The following RAC2 variants were observed in gnomAD, a reference collection of about 807,000 sequenced individuals.
RAC2 encodes Rac family small GTPase 2, also known as ras-related C3 botulinum toxin substrate 2.
A neutral mutation model predicts 24.0 loss-of-function variants in RAC2; 1 was observed. That is an observed-to-expected ratio of 0.04 (90% CI 0.01 to 0.20). RAC2 has a LOEUF of 0.20. RAC2 is among the 10% of genes least tolerant of loss of function. RAC2 has a pLI of 1.00. For synonymous variants in RAC2, 114 were observed against 106.8 expected, an observed-to-expected ratio of 1.07 and a Z score of -0.41; for missense variants, 130 against 259.1, an observed-to-expected ratio of 0.50 and a Z score of 3.42.
At chr22:37,237,279 G>A (rs1346157013) in intron 2 of RAC2, among the ~76,000 whole-genome samples, 1 of 151,834 alleles carries the variant, frequency 6.6e-6, no homozygotes, top group East Asian at 1.9e-4. Flanking sequence ...TCTTAGGGAG[G>A]GGCCAGAGGG....
chr22:37,244,210 C>A lies in RAC2; in HGVS notation c.-62G>T, dbSNP rs371820797. 6.9e-6 allele frequency: 11 copies of A among 1,598,030 alleles called. No individual in the cohort carries two copies. Among genetic ancestry groups the A allele is most frequent in the African/African-American group, 2.7e-5 (2 of 74,444 alleles). ...TCAGGGCCAGGCGCGTTTCTGCGGG[C>A]GCAAGGGGTGTGGAGGCTGGTGAGG... On this transcript the variant is annotated 5_prime_UTR_variant, in exon 1 of 7. Transcript: ENST00000249071.
In RAC2 at chr22:37,231,220, G is replaced by C. The variant is rs530853255; in HGVS notation, c.448+11C>G. 2 of 1,612,758 alleles carry C rather than the reference G, an allele frequency of 1.2e-6. No individual in the cohort carries two copies. The highest frequency in any genetic ancestry group is 1.7e-6 in the Non-Finnish European group (2 of 1,179,988). On this transcript the variant is annotated intron_variant, in intron 5 of 6. Transcript: ENST00000249071. The surrounding 1 kb of genome is among the most constrained non-coding windows in gnomAD (Gnocchi z 5.5). The stretch of plus-strand genomic sequence containing the variant: ...GCAGCCAGATCGCCCCTCTGAGCCC[G>C]AGGCCCATACCAATCTCCTTGGCCA...
chr22:37,241,677 A>G lies in RAC2; in HGVS notation c.36-19T>C. ...CACGGCCCTGAAAGACAGGAAGTGC[A>G]AGAGGGCGGCGGTCATGGGCTCTGC... On this transcript the variant is annotated intron_variant, in intron 1 of 6. Coordinates refer to ENST00000249071, the MANE Select transcript of RAC2 (RefSeq NM_002872.5). The G allele has an allele frequency of 6.2e-7, 1 of 1,610,702 alleles. No homozygotes were observed. The highest frequency in any genetic ancestry group is 8.5e-7 in the Non-Finnish European group (1 of 1,176,902).
chr22:37,230,183 G>A (rs1434052880), intron 5 of RAC2, among the ~76,000 whole-genome samples: 4 of 151,680 alleles, frequency 2.6e-5, no homozygotes, highest in Non-Finnish European at 5.9e-5. Flanking sequence ...GCTAGTCACA[G>A]AAGGAGGGAG....
intron 2 of RAC2, among the ~76,000 whole-genome samples, chr22:37,238,090 A>C (rs563493184): frequency 6.6e-6 from 1 of 152,040 alleles, no homozygotes; most frequent in Non-Finnish European, 1.5e-5. Flanking sequence ...CTTGGAGTGA[A>C]GTGGGTAAGG....
At chr22:37,229,052 C>T (rs527708118) in intron 5 of RAC2, among the ~76,000 whole-genome samples, 4 of 152,322 alleles carry the variant, frequency 2.6e-5, no homozygotes, top group East Asian at 3.9e-4. Context: ...ACCACATCTG[C>T]GTCCACTTCC....
intron 2 of RAC2, among the ~76,000 whole-genome samples, chr22:37,236,660 G>A (rs1569091155): frequency 2.0e-5 from 3 of 152,196 alleles, no homozygotes; most frequent in Admixed American, 2.0e-4. Flanking sequence ...AATGGGGCAG[G>A]TGGAAGGGGC....
chr22:37,232,386 G>A (rs1379516619), intron 3 of RAC2: 3 of 415,358 alleles, frequency 7.2e-6, no homozygotes, highest in African/African-American at 4.0e-5. Context: ...TCTGATTACC[G>A]GCCTTAGCCG....
Position 37,234,495 on chromosome 22 carries a change from C to T in RAC2, c.108-1577G>A, listed in dbSNP as rs777729163. The stretch of plus-strand genomic sequence containing the variant: ...GGCCACAGCTGTGCCTCCGGGAATG[C>T]CCTCACCGCCTGCCCCTGAGGGTTA... On this transcript the variant is annotated intron_variant, in intron 2 of 6. Transcript: ENST00000249071. Among the ~76,000 whole-genome samples the T allele has an allele frequency of 9.5e-4, 145 of 152,294 alleles. 1 individual carries two copies. Among genetic ancestry groups the T allele is most frequent in the Admixed American group, 2.0e-3 (31 of 15,308 alleles).
chr22:37,235,852 T>C (rs1473137596), intron 2 of RAC2, among the ~76,000 whole-genome samples: 2 of 152,124 alleles, frequency 1.3e-5, no homozygotes, highest in Admixed American at 1.3e-4. Context: ...AGGGCCACGG[T>C]GATGGGGAAA....
chr22:37,226,745 G>A lies in RAC2; in HGVS notation c.507C>T (p.Phe169=), dbSNP rs150782757. 3.6e-4 allele frequency: 574 copies of A among 1,612,980 alleles called. No individual in the cohort carries two copies. The highest frequency in any genetic ancestry group is 4.5e-4 in the Non-Finnish European group (532 of 1,179,588). The part of the protein sequence containing the change: ...ALTQRGLKTV[F]DEAIRAVLCP... ...ACAGCACGGCCCGGATGGCCTCGTC[G>A]AACACGGTTTTCAGGCCTCTCTGGG... Residue 169 remains phenylalanine (F), a synonymous_variant, in exon 6 of 7, where the codon TTC becomes TTT. Coordinates refer to ENST00000249071, the MANE Select transcript of RAC2 (RefSeq NM_002872.5).
chr22:37,235,307 G>A (rs183568415), intron 2 of RAC2, among the ~76,000 whole-genome samples: 23 of 152,016 alleles, frequency 1.5e-4, no homozygotes, highest in East Asian at 3.9e-4. Context: ...CCCTGTTCCC[G>A]CCTGTCTGGA....
At position 37,231,836 on chromosome 22, in the gene RAC2, G is replaced by A; in HGVS notation, c.288+96C>T. ...GGGACCCTCTCTGTATGCGACCTCT[G>A]CTGCCCCAGGGACCAGCCTAGAGTC... On this transcript the variant is annotated intron_variant, in intron 4 of 6. Transcript: ENST00000249071. The surrounding 1 kb of genome is among the most constrained non-coding windows in gnomAD (Gnocchi z 5.5). The A allele has an allele frequency of 7.1e-7, 1 of 1,407,912 alleles. No individual in the cohort carries two copies. Among genetic ancestry groups the A allele is most frequent in the Non-Finnish European group, 9.8e-7 (1 of 1,020,528 alleles). 87.2% of individuals were successfully genotyped at this position (1,407,912 alleles called of 1,614,324 possible).
At chr22:37,239,096 A>G (rs1473547624) in intron 2 of RAC2, among the ~76,000 whole-genome samples, 1 of 151,880 alleles carries the variant, frequency 6.6e-6, no homozygotes, top group Non-Finnish European at 1.5e-5. Flanking sequence ...TCCAATGTCA[A>G]GGGCCCAGTG....
intron 2 of RAC2, among the ~76,000 whole-genome samples, chr22:37,236,883 T>C (rs1006053009): frequency 2.0e-5 from 3 of 152,098 alleles, no homozygotes; most frequent in Non-Finnish European, 4.4e-5. Flanking sequence ...GGTGATGAGA[T>C]CAGATTTGCA....
At chr22:37,232,342 A>G in intron 3 of RAC2, 1 of 450,690 alleles carries the variant, frequency 2.2e-6, no homozygotes, top group South Asian at 2.1e-5. Flanking sequence ...CTGGGATTCT[A>G]GAGTCCATAC....
rs1927056547 is a variant in RAC2, at chr22:37,231,393, G to A, written c.289-3C>T. 2 of 1,614,036 alleles carry A rather than the reference G, an allele frequency of 1.2e-6. No individual in the cohort carries two copies. ...TGGTGCCGCACTTCTGGGAACCACT[G>A]GGCAGGTGGGTGGGGGGACACAAGG... is the stretch of plus-strand genomic sequence containing the variant. On this transcript the variant is annotated splice_region_variant and splice_polypyrimidine_tract_variant and intron_variant, in intron 4 of 6. Coordinates refer to ENST00000249071, the MANE Select transcript of RAC2 (RefSeq NM_002872.5). This position sits in a 1 kb window ranked among gnomAD's most constrained non-coding sequence, Gnocchi z 5.5.
chr22:37,235,346 T>C (rs1226354787), intron 2 of RAC2, among the ~76,000 whole-genome samples: 2 of 152,074 alleles, frequency 1.3e-5, no homozygotes, highest in Non-Finnish European at 2.9e-5. Context: ...GCCCCTGACT[T>C]CCCACTCTCC....
chr22:37,228,318 C>G (rs1365730990), intron 5 of RAC2, among the ~76,000 whole-genome samples: 1 of 152,066 alleles, frequency 6.6e-6, no homozygotes, highest in Non-Finnish European at 1.5e-5. Context: ...GGCTAGAGCC[C>G]GGGGCACAGA....
Sources: gnomAD v4.1 joint callset for allele counts (sites outside exome capture counted in the v4.1 genomes callset) on GRCh38, gnomAD v4.1.1 for gene constraint, Gnocchi (gnomAD v3.1) non-coding constraint, MANE v1.5 for transcripts, NCBI Gene and HGNC (gene_info 2026-07-23, HGNC 2026-07-21) for gene names.